The following ATAD2B variants were observed in gnomAD, a reference collection of about 807,000 sequenced individuals.
ATAD2B encodes ATPase family AAA domain containing 2B.
ATAD2B carries 40 observed loss-of-function variants against 167.6 expected under a neutral mutation model. The observed-to-expected ratio is 0.24, with a 90% CI of 0.19 to 0.31. The LOEUF (loss-of-function observed/expected upper bound fraction) is 0.31. ATAD2B is among the 10% of genes least tolerant of loss of function. ATAD2B has a pLI of 1.00. For missense variants in ATAD2B, 1,242 were observed against 1,757.2 expected (o/e 0.71, Z 5.24); for synonymous variants, 579 against 596.5 (o/e 0.97, Z 0.43).
At chr2:23,858,753 G>T (rs1310905911) in intron 12 of ATAD2B, among the ~76,000 whole-genome samples, 2 of 152,074 alleles carry the variant, frequency 1.3e-5, no homozygotes, top group East Asian at 3.8e-4. Flanking sequence ...AATGTGCTGG[G>T]ATTACAGGTC....
chr2:23,889,001 T>C (rs1558740179), intron 2 of ATAD2B, among the ~76,000 whole-genome samples: 2 of 152,224 alleles, frequency 1.3e-5, no homozygotes, highest in Non-Finnish European at 2.9e-5. Context: ...GTCACCATAC[T>C]TCTTAGTACA....
intron 8 of ATAD2B, chr2:23,872,850 T>C (rs967843397): frequency 5.2e-6 from 5 of 956,402 alleles, no homozygotes; most frequent in Non-Finnish European, 8.5e-6. Context: ...GTGAAGCAGA[T>C]GTCAAACTCA....
At chr2:23,786,797 T>C (rs1049907359) in intron 20 of ATAD2B, among the ~76,000 whole-genome samples, 2 of 152,146 alleles carry the variant, frequency 1.3e-5, no homozygotes, top group African/African-American at 4.8e-5. Context: ...TATTTATATA[T>C]AACTTACGAG....
At chr2:23,738,256 C>T in the ATAD2B span, among the ~76,000 whole-genome samples, 1 of 152,120 alleles carries the variant, frequency 6.6e-6, no homozygotes, top group Non-Finnish European at 1.5e-5. Flanking sequence ...GTCAGATTCA[C>T]CAAAGTTGAA....
chr2:23,695,836 G>A, the ATAD2B span: 237 of 1,542,834 alleles, frequency 1.5e-4, no homozygotes, highest in Middle Eastern at 1.0e-3. The surrounding 1 kb of genome is among the most constrained non-coding windows in gnomAD (Gnocchi z 7.6). Context: ...GAAGGGGCAC[G>A]CCCCGAACCT....
intron 1 of ATAD2B, among the ~76,000 whole-genome samples, chr2:23,917,094 TTGCAACTCAAA>T (rs1703148927): frequency 6.6e-6 from 1 of 152,240 alleles, no homozygotes; most frequent in Admixed American, 6.5e-5. Context: ...TTCTATGATT[TTGCAACTCAAA>T]AAGAACCAAA....
chr2:23,790,112 T>C (rs1192972300), intron 19 of ATAD2B, among the ~76,000 whole-genome samples: 1 of 152,218 alleles, frequency 6.6e-6, no homozygotes, highest in Non-Finnish European at 1.5e-5. Flanking sequence ...TTTGATGGCC[T>C]TTCTTTGAAA....
chr2:23,882,200 T>G (rs1698009569), intron 6 of ATAD2B, among the ~76,000 whole-genome samples: 2 of 151,946 alleles, frequency 1.3e-5, no homozygotes, highest in South Asian at 4.2e-4. Flanking sequence ...ATCTCTATTT[T>G]TTTTTTATTT....
At position 23,751,948 on chromosome 2, in the gene ATAD2B, G is replaced by T; in HGVS notation, c.*98C>A. 1 of 952,102 alleles carries T rather than the reference G, an allele frequency of 1.1e-6. No individual in the cohort carries two copies. Among genetic ancestry groups the T allele is most frequent in the Non-Finnish European group, 1.6e-6 (1 of 619,182 alleles). 59.0% of individuals were successfully genotyped at this position (952,102 alleles called of 1,614,324 possible). On this transcript the variant is annotated 3_prime_UTR_variant, in exon 28 of 28. Transcript: ENST00000238789. ...TGAGTGAGAGAGCACTTTACACCAA[G>T]GCTCTGCACATAATTGGTGCAATTT...
the ATAD2B span, among the ~76,000 whole-genome samples, chr2:23,695,408 C>T: frequency 6.6e-6 from 1 of 152,080 alleles, no homozygotes. The surrounding 1 kb of genome is among the most constrained non-coding windows in gnomAD (Gnocchi z 7.6). Context: ...CTGCCAGCCT[C>T]CCCTCCGCAC....
At chr2:23,867,399 T>G (rs1456861346) in intron 10 of ATAD2B, among the ~76,000 whole-genome samples, 3 of 152,226 alleles carry the variant, frequency 2.0e-5, no homozygotes, top group Admixed American at 6.5e-5. Flanking sequence ...ATTTACTTCT[T>G]CAAAGTTATC....
At chr2:23,694,971 T>C in the ATAD2B span, among the ~76,000 whole-genome samples, 1 of 152,190 alleles carries the variant, frequency 6.6e-6, no homozygotes, top group African/African-American at 2.4e-5. Flanking sequence ...ATGAGCGTCA[T>C]GCCTGGCCTA....
chr2:23,680,653 A>G, the ATAD2B span, among the ~76,000 whole-genome samples: 1 of 151,524 alleles, frequency 6.6e-6, no homozygotes, highest in African/African-American at 2.4e-5. The surrounding 1 kb of genome is among the most constrained non-coding windows in gnomAD (Gnocchi z 4.1). Context: ...TGGGGTCTCT[A>G]GGCCATCTTC....
intron 15 of ATAD2B, among the ~76,000 whole-genome samples, chr2:23,826,201 G>C (rs7557333): frequency 0.023 from 3,560 of 152,148 alleles, 144 homozygotes; most frequent in African/African-American, 0.08. Context: ...AAGTGACTCT[G>C]ATACACACAA....
the ATAD2B span, among the ~76,000 whole-genome samples, chr2:23,718,598 C>G: frequency 3.3e-5 from 5 of 152,160 alleles, no homozygotes; most frequent in Non-Finnish European, 5.9e-5. Context: ...CTGCGTGGTG[C>G]ACATGGAGAA....
rs549797189 is a variant in ATAD2B, at chr2:23,818,963, CAA to C, written c.2267+782_2267+783del. On this transcript the variant is annotated intron_variant, in intron 17 of 27. Transcript: ENST00000238789. ...TGCAAGTATAATGTTTCTAGAAAAT[CAA>C]AAAGTTATTTAATTACTGAACAATT... 3.9e-5 allele frequency among the ~76,000 whole-genome samples: 6 copies of C among 152,202 alleles called. No individual in the cohort carries two copies. The East Asian group carries it at 7.7e-4, about 20-fold the overall frequency.
intron 13 of ATAD2B, among the ~76,000 whole-genome samples, chr2:23,848,583 A>G (rs1448129874): frequency 6.6e-6 from 1 of 152,224 alleles, no homozygotes; most frequent in Non-Finnish European, 1.5e-5. Context: ...CCTATCATCA[A>G]TTGAAGGTAG....
intron 21 of ATAD2B, among the ~76,000 whole-genome samples, chr2:23,785,103 A>T (rs1680624256): frequency 1.3e-5 from 2 of 152,010 alleles, no homozygotes; most frequent in South Asian, 4.1e-4. Flanking sequence ...CAGACTTGCC[A>T]GGGGGGAGGA....
At chr2:23,797,232 T>C (rs1004217008) in intron 19 of ATAD2B, among the ~76,000 whole-genome samples, 2 of 152,098 alleles carry the variant, frequency 1.3e-5, no homozygotes, top group African/African-American at 4.8e-5. Context: ...CTTTGTCTCC[T>C]GGGGAAAATA....
Sources: gnomAD v4.1 joint callset for allele counts (sites outside exome capture counted in the v4.1 genomes callset) on GRCh38, gnomAD v4.1.1 for gene constraint, Gnocchi (gnomAD v3.1) non-coding constraint, MANE v1.5 for transcripts, NCBI Gene and HGNC (gene_info 2026-07-23, HGNC 2026-07-21) for gene names.